The following PTPRD variants were observed in gnomAD, a reference collection of about 807,000 sequenced individuals.
The protein encoded by PTPRD is protein tyrosine phosphatase receptor type D, also known as receptor-type tyrosine-protein phosphatase delta.
A neutral mutation model predicts 214.5 loss-of-function variants in PTPRD; 34 were observed. That is an observed-to-expected ratio of 0.16 (90% confidence interval 0.12 to 0.21). PTPRD has a LOEUF of 0.21. Ranked by LOEUF, PTPRD falls within the 10% of genes least tolerant of loss-of-function variation. The pLI is 1.00. For synonymous variants in PTPRD, 1,128 were observed against 845.7 expected (o/e 1.33, Z -5.79); for missense variants, 2,545 against 2,398.7 (o/e 1.06, Z -1.27).
At chr9:10,367,144 T>C (rs1245441202) in intron 2 of PTPRD, among the ~76,000 whole-genome samples, 1 of 150,408 alleles carries the variant, frequency 6.6e-6, no homozygotes, top group African/African-American at 2.4e-5. Flanking sequence ...AGGTTTACAA[T>C]GTAGAGTAGC....
In PTPRD at chr9:9,270,891, G is replaced by A. The variant is rs540303706; in HGVS notation, c.-202-87528C>T. On this transcript the variant is annotated intron_variant, in intron 9 of 45. Coordinates refer to ENST00000381196, the MANE Select transcript of PTPRD (RefSeq NM_002839.4). ...ATGGAATAGATATCGGGGGGTGTAG[G>A]GATAGGAGGAATCAAAGAACACTCT... Among the ~76,000 whole-genome samples, 5 of 151,328 alleles carry A rather than the reference G, an allele frequency of 3.3e-5. No individual in the cohort carries two copies. In the South Asian group the frequency reaches 1.0e-3, roughly 31 times the overall value.
chr9:8,398,935 A>T (rs192365550), intron 36 of PTPRD, among the ~76,000 whole-genome samples: 42 of 152,128 alleles, frequency 2.8e-4, no homozygotes, highest in Admixed American at 1.2e-3. Context: ...TAAGCTTTTT[A>T]AAAAAAATCA....
intron 8 of PTPRD, among the ~76,000 whole-genome samples, chr9:9,450,431 A>G (rs904563708): frequency 5.3e-5 from 8 of 151,764 alleles, no homozygotes; most frequent in African/African-American, 1.9e-4. Context: ...AACATCTATT[A>G]TTTTTTGACT....
rs1431532326 is a variant in PTPRD at position 8,636,708 on chromosome 9, C to G, written c.201G>C (p.Gln67His). 1 of 1,613,926 alleles carries G rather than the reference C, an allele frequency of 6.2e-7. No homozygotes were observed. The highest frequency in any genetic ancestry group is 8.5e-7 in the Non-Finnish European group (1 of 1,179,930). The change falls in exon 13 of 46, where the codon CAG (glutamine) becomes CAC (histidine). Residue 67 changes from glutamine (Q) to histidine (H), a missense_variant. Gln to His is a conservative substitution (Grantham distance 24). Transcript: ENST00000381196. ...WNKKGKKVSN[Q>H]RFEVIEFDDG... ...ACAATGGACCTAATACCTCAAATCT[C>G]TGATTGCTGACTTTCTTTCCTTTTT...
At chr9:9,014,806 T>G (rs998295777) in intron 11 of PTPRD, among the ~76,000 whole-genome samples, 1 of 152,174 alleles carries the variant, frequency 6.6e-6, no homozygotes, top group Non-Finnish European at 1.5e-5. Flanking sequence ...GATTATACAT[T>G]GACACACTTA....
chr9:8,934,336 C>G (rs1029465548), intron 11 of PTPRD, among the ~76,000 whole-genome samples: 5 of 145,354 alleles, frequency 3.4e-5, no homozygotes, highest in African/African-American at 1.3e-4. Context: ...CCAGGTGTAG[C>G]TGGTACCTAC....
intron 8 of PTPRD, among the ~76,000 whole-genome samples, chr9:9,563,632 G>A (rs1299949086): frequency 2.0e-5 from 3 of 151,996 alleles, no homozygotes; most frequent in Non-Finnish European, 2.9e-5. Context: ...TTTTATCCTT[G>A]GCTTTTATGC....
chr9:9,507,369 T>C (rs552851384), intron 8 of PTPRD, among the ~76,000 whole-genome samples: 1 of 151,252 alleles, frequency 6.6e-6, no homozygotes, highest in Non-Finnish European at 1.5e-5. Context: ...GGCTTCTATA[T>C]ACTTTCTTGG....
At chr9:9,169,240 A>T (rs796784625) in intron 10 of PTPRD, among the ~76,000 whole-genome samples, 9 of 152,182 alleles carry the variant, frequency 5.9e-5, no homozygotes, top group African/African-American at 2.2e-4. Flanking sequence ...TAATTCAAAA[A>T]CCACCACAGG....
chr9:8,998,338 C>T (rs547375223), intron 11 of PTPRD, among the ~76,000 whole-genome samples: 1 of 152,118 alleles, frequency 6.6e-6, no homozygotes, highest in East Asian at 1.9e-4. Flanking sequence ...TACTCATTTA[C>T]CATTCCAAAA....
At chr9:10,600,173 G>C (rs926284125) in intron 2 of PTPRD, among the ~76,000 whole-genome samples, 2 of 151,488 alleles carry the variant, frequency 1.3e-5, no homozygotes, top group Non-Finnish European at 3.0e-5. Context: ...AAAATGATTT[G>C]TTTAAACCAT....
chr9:8,936,391 C>T (rs1270069745), intron 11 of PTPRD, among the ~76,000 whole-genome samples: 3 of 117,034 alleles, frequency 2.6e-5, no homozygotes, highest in South Asian at 5.5e-4. Flanking sequence ...TGCACCACTG[C>T]ACTCCAGCCT....
intron 41 of PTPRD, among the ~76,000 whole-genome samples, 193 bp from the exon 42 acceptor site, chr9:8,340,662 T>A (rs1394283334): frequency 1.3e-5 from 2 of 152,196 alleles, no homozygotes; most frequent in African/African-American, 4.8e-5. Flanking sequence ...GCAAACTAAA[T>A]TGCTTGTTAA....
intron 9 of PTPRD, among the ~76,000 whole-genome samples, chr9:9,213,455 T>G (rs1195677315): frequency 6.6e-6 from 1 of 152,204 alleles, no homozygotes; most frequent in Non-Finnish European, 1.5e-5. Context: ...ACATTGTAAT[T>G]AAATAAAATC....
chr9:9,337,399 CA>C (rs1176536847), intron 9 of PTPRD, among the ~76,000 whole-genome samples: 1 of 152,122 alleles, frequency 6.6e-6, no homozygotes, highest in Non-Finnish European at 1.5e-5. Context: ...AGATCATTAA[CA>C]AGAGCCATTC....
chr9:10,458,518 G>C (rs185733368), intron 2 of PTPRD, among the ~76,000 whole-genome samples: 69 of 152,220 alleles, frequency 4.5e-4, no homozygotes, highest in Non-Finnish European at 8.5e-4. Context: ...CCTCTCAACA[G>C]TTTAGACATA....
At chr9:9,642,832 A>G (rs1413543587) in intron 7 of PTPRD, among the ~76,000 whole-genome samples, 1 of 152,176 alleles carries the variant, frequency 6.6e-6, no homozygotes, top group African/African-American at 2.4e-5. Flanking sequence ...ATACAAGACA[A>G]TTGGGGCTCA....
chr9:9,001,459 C>G (rs1397812331), intron 11 of PTPRD, among the ~76,000 whole-genome samples: 1 of 152,026 alleles, frequency 6.6e-6, no homozygotes, highest in Non-Finnish European at 1.5e-5. Context: ...TTTGCACAAT[C>G]AGGAAGCTTG....
chr9:8,914,216 A>G (rs894683600), intron 11 of PTPRD, among the ~76,000 whole-genome samples: 5 of 152,184 alleles, frequency 3.3e-5, no homozygotes, highest in African/African-American at 1.2e-4. Context: ...AATGATTAAC[A>G]ATTACTATTT....
Sources: gnomAD v4.1 joint callset for allele counts (sites outside exome capture counted in the v4.1 genomes callset) on GRCh38, gnomAD v4.1.1 for gene constraint, MANE v1.5 for transcripts, NCBI Gene and HGNC (gene_info 2026-07-23, HGNC 2026-07-21) for gene names.